The following DLG1 variants were observed in gnomAD, a reference collection of about 807,000 sequenced individuals.
DLG1 encodes disks large homolog 1.
Under a neutral mutation model 123.4 loss-of-function variants are expected in DLG1, and 42 were observed. The observed-to-expected ratio is 0.34, with a 90% confidence interval of 0.27 to 0.44. DLG1 has a LOEUF of 0.44. Ranked by LOEUF, DLG1 falls within the 20% of genes least tolerant of loss-of-function variation. The probability of loss-of-function intolerance (pLI) is 1.00; values close to 1 mark genes in which losing one functional copy is unlikely to be tolerated. For missense variants in DLG1, 942 were observed against 1,082.6 expected, an observed-to-expected ratio of 0.87 and a Z score of 1.82; for synonymous variants, 317 against 356.2, an observed-to-expected ratio of 0.89 and a Z score of 1.24.
chr3:197,294,428 C>A (rs1307484364), intron 3 of DLG1, among the ~76,000 whole-genome samples: 1 of 152,016 alleles, frequency 6.6e-6, no homozygotes. Context: ...GGGTGGATCA[C>A]GAGGTCAGGA....
chr3:197,246,939 C>T (rs769846193), intron 4 of DLG1, among the ~76,000 whole-genome samples: 30 of 152,202 alleles, frequency 2.0e-4, no homozygotes, highest in Non-Finnish European at 3.4e-4. Flanking sequence ...ATGGATCATG[C>T]TTCTTTCTTC....
In DLG1 at chr3:197,113,991, T is replaced by TG. The variant is rs550428107; in HGVS notation, c.1443+1935dup. 1.9e-3 allele frequency among the ~76,000 whole-genome samples: 296 copies of TG among 152,218 alleles called. 3 individuals carry two copies. The highest frequency in any genetic ancestry group is 6.4e-3 in the African/African-American group (267 of 41,516). ...CAGCCTAGGCAATGCACTGAAGCCCTGTCTCTTAAAAAATAAAAGAAAGAA... is the reference window on the plus strand; with the variant it reads ...CAGCCTAGGCAATGCACTGAAGCCCTGGTCTCTTAAAAAATAAAAGAAAGAA... On this transcript the variant is annotated intron_variant, in intron 13 of 24. Transcript: ENST00000667157.
At chr3:197,227,947 C>T (rs537101997) in intron 4 of DLG1, among the ~76,000 whole-genome samples, 3 of 152,266 alleles carry the variant, frequency 2.0e-5, no homozygotes, top group South Asian at 4.1e-4. Flanking sequence ...TCCTTAGAAG[C>T]CTTTATATTT....
At chr3:197,224,916 A>G (rs1738995947) in intron 4 of DLG1, among the ~76,000 whole-genome samples, 1 of 152,062 alleles carries the variant, frequency 6.6e-6, no homozygotes, top group South Asian at 2.1e-4. Context: ...ACTACGTTAG[A>G]GGGCTCTCTT....
At chr3:197,046,087 G>A (rs1722835029) in intron 24 of DLG1, among the ~76,000 whole-genome samples, 2 of 152,204 alleles carry the variant, frequency 1.3e-5, no homozygotes, top group South Asian at 2.1e-4. Flanking sequence ...ATGCAGACAT[G>A]CCTCAATGTC....
At chr3:197,170,588 G>GT (rs1231040973) in intron 5 of DLG1, among the ~76,000 whole-genome samples, 6 of 152,084 alleles carry the variant, frequency 3.9e-5, no homozygotes, top group Non-Finnish European at 7.4e-5. Flanking sequence ...TAATAGGACT[G>GT]TTTTTCTCTT....
At chr3:197,139,467 C>T (rs116278046) in intron 8 of DLG1, among the ~76,000 whole-genome samples, 5 of 152,260 alleles carry the variant, frequency 3.3e-5, no homozygotes, top group Non-Finnish European at 5.9e-5. Flanking sequence ...ACTACATAAA[C>T]TCTTTAGTCC....
intron 11 of DLG1, among the ~76,000 whole-genome samples, chr3:197,126,242 G>A (rs563631328): frequency 9.7e-4 from 148 of 152,226 alleles, no homozygotes; most frequent in Non-Finnish European, 1.1e-3. Flanking sequence ...TTGGGAGGCC[G>A]AAGTGGGTGG....
intron 13 of DLG1, among the ~76,000 whole-genome samples, chr3:197,110,781 A>G (rs899559400): frequency 3.9e-5 from 6 of 152,118 alleles, no homozygotes; most frequent in African/African-American, 1.4e-4. Flanking sequence ...ATTTCCTTAA[A>G]TACCTGAAAC....
chr3:197,083,355 C>T (rs1291488724), intron 16 of DLG1, among the ~76,000 whole-genome samples: 3 of 152,102 alleles, frequency 2.0e-5, no homozygotes, highest in African/African-American at 7.2e-5. Flanking sequence ...AATGAATTAA[C>T]TAGTTATAAT....
chr3:197,177,513 G>C (rs933602945), intron 5 of DLG1, among the ~76,000 whole-genome samples: 1 of 152,086 alleles, frequency 6.6e-6, no homozygotes, highest in African/African-American at 2.4e-5. Flanking sequence ...GAGACAAAAT[G>C]AATGTGGTAT....
intron 9 of DLG1, among the ~76,000 whole-genome samples, chr3:197,137,332 A>C (rs1051166611): frequency 2.0e-5 from 3 of 152,240 alleles, no homozygotes; most frequent in African/African-American, 7.2e-5. Context: ...CTGCAGATGT[A>C]ACTGCTCATA....
chr3:197,286,101 T>A (rs1012754245), intron 3 of DLG1, among the ~76,000 whole-genome samples: 3 of 152,178 alleles, frequency 2.0e-5, no homozygotes, highest in South Asian at 2.1e-4. Flanking sequence ...TATTACTAAC[T>A]GAAAAAAGCC....
intron 4 of DLG1, among the ~76,000 whole-genome samples, chr3:197,201,424 C>CA (rs540269650): frequency 1.1e-3 from 163 of 152,140 alleles, no homozygotes; most frequent in South Asian, 6.8e-3. Flanking sequence ...AAGACTCCAC[C>CA]AAAAAAACTC....
chr3:197,237,737 C>T (rs372901502), intron 4 of DLG1, among the ~76,000 whole-genome samples: 2 of 152,174 alleles, frequency 1.3e-5, no homozygotes, highest in African/African-American at 4.8e-5. Context: ...GAGGTATAGT[C>T]AGGAGACGGG....
chr3:197,238,686 T>C (rs532644725), intron 4 of DLG1, among the ~76,000 whole-genome samples: 1 of 152,196 alleles, frequency 6.6e-6, no homozygotes, highest in South Asian at 2.1e-4. Flanking sequence ...GAAGGAAAAC[T>C]GGAAAATTCA....
rs959063504 is a variant in DLG1, at chr3:197,165,180, A to C, written c.484-15384T>G. ...TTTTCCAGTTGTTGACAAGGAATAC[A>C]CAGTGGCGTTATTAATATAAATGCA... On this transcript the variant is annotated intron_variant, in intron 5 of 24. Transcript: ENST00000667157. 5.3e-5 allele frequency among the ~76,000 whole-genome samples: 8 copies of C among 152,310 alleles called. 1 individual carries two copies. The highest frequency in any genetic ancestry group is 1.9e-4 in the African/African-American group (8 of 41,564).
At chr3:197,103,861 G>A (rs1764887992) in intron 14 of DLG1, among the ~76,000 whole-genome samples, 1 of 151,820 alleles carries the variant, frequency 6.6e-6, no homozygotes, top group East Asian at 1.9e-4. Flanking sequence ...TTGTTTATGA[G>A]CATCAACAAA....
At chr3:197,264,914 T>G (rs992478236) in intron 4 of DLG1, among the ~76,000 whole-genome samples, 1 of 152,316 alleles carries the variant, frequency 6.6e-6, no homozygotes, top group Admixed American at 6.5e-5. Flanking sequence ...AGGCGTGTAT[T>G]TATAACCTTC....
Sources: allele counts gnomAD v4.1 joint callset (sites outside exome capture counted in the v4.1 genomes callset), GRCh38; gene constraint gnomAD v4.1.1; transcripts MANE v1.5; gene names NCBI Gene and HGNC (gene_info 2026-07-23, HGNC 2026-07-21).